FAM234A: variants seen among roughly 807,000 people sequenced by gnomAD.
The protein encoded by FAM234A is protein FAM234A.
Under a neutral mutation model 49.1 loss-of-function variants are expected in FAM234A, and 42 were observed. The observed-to-expected ratio is 0.86, with a 90% CI of 0.67 to 1.11. The LOEUF (loss-of-function observed/expected upper bound fraction) is 1.11. Among genes scored for constraint, FAM234A ranks in the 50% least tolerant of loss-of-function variants. The pLI is 0.00. For synonymous variants in FAM234A, 369 were observed against 316.2 expected (o/e 1.17, Z -1.77); for missense variants, 815 against 745.2 (o/e 1.09, Z -1.09).
chr16:258,319 G>A lies in FAM234A; in HGVS notation c.269-1164G>A, dbSNP rs546551591. On this transcript the variant is annotated intron_variant, in intron 3 of 12. Transcript: ENST00000399932. ...CCCTGCGGCCTTCCGCAGTGTTTGCGTCCCTGGGTACTTGAGATTAGGGAG... is the reference window on the plus strand; with the variant it reads ...CCCTGCGGCCTTCCGCAGTGTTTGCATCCCTGGGTACTTGAGATTAGGGAG... Among the ~76,000 whole-genome samples the A allele has an allele frequency of 4.4e-3, 677 of 152,264 alleles. 1 individual carries two copies. The highest frequency in any genetic ancestry group is 7.5e-3 in the Non-Finnish European group (508 of 68,028).
rs946473747 is a variant in FAM234A, at chr16:266,005, G to A, written c.*983G>A. The A allele has an allele frequency of 2.0e-6, 2 of 985,784 alleles. No homozygotes were observed. Among genetic ancestry groups the A allele is most frequent in the African/African-American group, 3.5e-5 (2 of 57,238 alleles). The allele number at this position is 985,784 out of a possible 1,614,324, so 61.1% of individuals were successfully genotyped here. ...GCTCTGTACTGCTCGGGCCGCCCAG[G>A]TCACAGAGCCTGAGCTTCGTAGCCA... On this transcript the variant is annotated 3_prime_UTR_variant, in exon 13 of 13. Coordinates refer to ENST00000399932, the MANE Select transcript of FAM234A (RefSeq NM_032039.4).
intron 3 of FAM234A, among the ~76,000 whole-genome samples, chr16:258,084 G>C (rs2051309338): frequency 6.6e-6 from 1 of 151,432 alleles, no homozygotes; most frequent in Admixed American, 6.6e-5. Context: ...TCGGACTCCT[G>C]ACCTTGTGAT....
At chr16:269,790 G>T, downstream of FAM234A, 1 of 544,550 alleles carries the variant, frequency 1.8e-6, no homozygotes, top group East Asian at 3.0e-5. Flanking sequence ...GGGCCATGTC[G>T]CAGCAAAAAA....
At chr16:268,332 T>G (rs1596876400), downstream of FAM234A, 9 of 227,238 alleles carry the variant, frequency 4.0e-5, no homozygotes, top group East Asian at 2.2e-4. Flanking sequence ...GGCCCAAGGG[T>G]CTTTTATTTG....
chr16:269,358 G>A (rs1018129727), downstream of FAM234A: 26 of 1,603,076 alleles, frequency 1.6e-5, no homozygotes, highest in Admixed American at 3.4e-5. Context: ...CTCGAGTGCC[G>A]TGGCCTCCAC....
In FAM234A at chr16:250,596, G is replaced by T. The variant is rs568674202; in HGVS notation, c.-34+942G>T. On this transcript the variant is annotated intron_variant, in intron 2 of 12. Coordinates refer to ENST00000399932, the MANE Select transcript of FAM234A (RefSeq NM_032039.4). ...AATGCACACATTTTTTCTTATTGTG[G>T]TAAAATGTACATAACGTAAAATTTG... is the stretch of plus-strand genomic sequence containing the variant. Among the ~76,000 whole-genome samples, 161 of 152,202 alleles carry T rather than the reference G, an allele frequency of 1.1e-3. 1 individual carries two copies. The highest frequency in any genetic ancestry group is 2.0e-3 in the Non-Finnish European group (133 of 68,014).
chr16:268,950 G>A, downstream of FAM234A: 2 of 1,550,140 alleles, frequency 1.3e-6, no homozygotes, highest in African/African-American at 2.7e-5. Flanking sequence ...CCCAGTGCTG[G>A]ACTGAAGACC....
intron 2 of FAM234A, among the ~76,000 whole-genome samples, chr16:252,024 G>T (rs957495061): frequency 5.8e-5 from 8 of 137,338 alleles, no homozygotes; most frequent in African/African-American, 2.2e-4. Flanking sequence ...AAAAAAAAGA[G>T]ATGGGTCTCT....
Position 266,023 on chromosome 16 carries a change from C to T in FAM234A, c.*1001C>T, listed in dbSNP as rs1043177. On this transcript the variant is annotated 3_prime_UTR_variant, in exon 13 of 13. Transcript: ENST00000399932. ...CGCCCAGGTCACAGAGCCTGAGCTT[C>T]GTAGCCAAAGCAGCCTGATGACCCA... is the stretch of plus-strand genomic sequence containing the variant. 42 of 985,862 alleles carry T rather than the reference C, an allele frequency of 4.3e-5. No homozygotes were observed. Among genetic ancestry groups the T allele is most frequent in the African/African-American group, 3.8e-4 (22 of 57,242 alleles). The allele number at this position is 985,862 out of a possible 1,614,324, so 61.1% of individuals were successfully genotyped here.
chr16:261,274 C>T, intron 5 of FAM234A, 110 bp from the exon 6 acceptor site: 1 of 1,324,558 alleles, frequency 7.5e-7, no homozygotes, highest in Non-Finnish European at 1.1e-6. Flanking sequence ...GCCGTGGGCT[C>T]ACGAGGGTGA....
At chr16:244,842 C>A (rs1314461150) in intron 1 of FAM234A, among the ~76,000 whole-genome samples, 1 of 150,380 alleles carries the variant, frequency 6.6e-6, no homozygotes, top group East Asian at 1.9e-4. Context: ...CATGCACCAC[C>A]ACGCCCGGCT....
At chr16:241,421 A>G (rs1567207650) in intron 1 of FAM234A, among the ~76,000 whole-genome samples, 1 of 152,076 alleles carries the variant, frequency 6.6e-6, no homozygotes, top group Admixed American at 6.6e-5. Context: ...CATTTCTACA[A>G]AAAATTTAAA....
intron 1 of FAM234A, among the ~76,000 whole-genome samples, chr16:238,309 G>A (rs1449168193): frequency 1.3e-5 from 2 of 151,882 alleles, no homozygotes; most frequent in African/African-American, 4.8e-5. Context: ...ATGAACCACC[G>A]CCCCCGCCCC....
chr16:257,234 GTCT>G (rs2051269667), intron 3 of FAM234A, among the ~76,000 whole-genome samples: 1 of 131,894 alleles, frequency 7.6e-6, no homozygotes, highest in Non-Finnish European at 1.6e-5. Flanking sequence ...TTTCAATGAA[GTCT>G]TTTTTTTTTT....
At chr16:241,426 T>A in intron 1 of FAM234A, among the ~76,000 whole-genome samples, 1 of 151,724 alleles carries the variant, frequency 6.6e-6, no homozygotes, top group East Asian at 1.9e-4. Context: ...CTACAAAAAA[T>A]TTAAAGATTA....
rs1196880230 is a variant in FAM234A at position 265,287 on chromosome 16, G to A, written c.*265G>A. On this transcript the variant is annotated 3_prime_UTR_variant, in exon 13 of 13. Coordinates refer to ENST00000399932, the MANE Select transcript of FAM234A (RefSeq NM_032039.4). ...TCACTCTGCACCCCACCAGGGTCCC[G>A]CTCACACCAGGCAGCCTTCATAGTG... 4.7e-6 allele frequency: 6 copies of A among 1,286,360 alleles called. No homozygotes were observed. In the East Asian group the frequency reaches 9.8e-5, roughly 21 times the overall value. 79.7% of individuals were successfully genotyped at this position (1,286,360 alleles called of 1,614,324 possible). A position where few individuals can be genotyped will look rare whatever the true frequency, so the allele number is the denominator to read the frequency against.
intron 1 of FAM234A, among the ~76,000 whole-genome samples, chr16:245,649 G>A (rs569213692): frequency 5.3e-5 from 8 of 150,864 alleles, no homozygotes; most frequent in African/African-American, 1.7e-4. Flanking sequence ...TAACACTAAT[G>A]ATAGCTGATG....
chr16:267,127 C>G (rs528410045), downstream of FAM234A, among the ~76,000 whole-genome samples: 414 of 152,226 alleles, frequency 2.7e-3, 2 homozygotes, highest in African/African-American at 9.7e-3. Context: ...CACTGCGGGC[C>G]CTAGAGAGTC....
downstream of FAM234A, chr16:268,488 T>G: frequency 1.4e-5 from 7 of 492,724 alleles, no homozygotes; most frequent in East Asian, 7.4e-5. Context: ...GTGAGGCACT[T>G]GGGGGATGGG....
Sources: allele counts gnomAD v4.1 joint callset (sites outside exome capture counted in the v4.1 genomes callset), GRCh38; gene constraint gnomAD v4.1.1; transcripts MANE v1.5; gene names NCBI Gene and HGNC (gene_info 2026-07-23, HGNC 2026-07-21).